The following KAZN variants were observed in gnomAD, a reference collection of about 807,000 sequenced individuals.
KAZN encodes the protein kazrin.
KAZN carries 40 observed loss-of-function variants against 87.4 expected under a neutral mutation model. The observed-to-expected ratio is 0.46, with a 90% CI of 0.36 to 0.60. The LOEUF (loss-of-function observed/expected upper bound fraction) is 0.60, where lower values mean the gene tolerates loss of function less well. KAZN is among the 20% of genes least tolerant of loss of function. The pLI, the probability that KAZN is intolerant of heterozygous loss-of-function variation, is 0.00. For synonymous variants in KAZN, 466 were observed against 458.3 expected (o/e 1.02, Z -0.22); for missense variants, 898 against 1,073.9 (o/e 0.84, Z 2.29).
chr1:14,645,692 A>G (rs993609044), intron 1 of KAZN, among the ~76,000 whole-genome samples: 4 of 152,232 alleles, frequency 2.6e-5, no homozygotes, highest in African/African-American at 9.6e-5. Flanking sequence ...TCGTCTGCCA[A>G]CAGGGGTAGT....
At chr1:14,885,090 C>T (rs184375961) in intron 1 of KAZN, among the ~76,000 whole-genome samples, 125 of 152,312 alleles carry the variant, frequency 8.2e-4, no homozygotes, top group African/African-American at 2.8e-3. Context: ...TTAGAGAAGT[C>T]TTCTCCGAAA....
intron 1 of KAZN, among the ~76,000 whole-genome samples, chr1:14,907,353 G>A (rs1367586855): frequency 6.7e-6 from 1 of 149,900 alleles, no homozygotes; most frequent in Non-Finnish European, 1.5e-5. Context: ...AGTGAGCTGC[G>A]ATTGCACCAC....
intron 1 of KAZN, among the ~76,000 whole-genome samples, chr1:14,826,857 A>G (rs1384579718): frequency 6.6e-6 from 1 of 152,174 alleles, no homozygotes; most frequent in Non-Finnish European, 1.5e-5. Flanking sequence ...TTTCATGGAC[A>G]ACAAGTTGGT....
chr1:14,017,659 G>T (rs2101229854), intron 1 of KAZN, among the ~76,000 whole-genome samples: 1 of 152,312 alleles, frequency 6.6e-6, no homozygotes, highest in South Asian at 2.1e-4. Flanking sequence ...GTTCAGTGCA[G>T]CTCTTGAGTA....
intron 2 of KAZN, among the ~76,000 whole-genome samples, chr1:14,993,584 C>T (rs966035573): frequency 1.3e-5 from 2 of 152,166 alleles, no homozygotes; most frequent in African/African-American, 4.8e-5. Flanking sequence ...GCAGTGTTCT[C>T]GGCCTGCACT....
At chr1:14,293,291 A>G (rs1653855039) in intron 2 of KAZN, among the ~76,000 whole-genome samples, 1 of 152,228 alleles carries the variant, frequency 6.6e-6, no homozygotes, top group Non-Finnish European at 1.5e-5. Context: ...TAGGGCCACC[A>G]TGAATGATGC....
intron 5 of KAZN, among the ~76,000 whole-genome samples, chr1:15,059,371 G>A (rs1638581659): frequency 6.6e-6 from 1 of 152,226 alleles, no homozygotes; most frequent in South Asian, 2.1e-4. Context: ...AGAGACCAAG[G>A]CAGGGGGACA....
chr1:14,921,333 G>A (rs1167178543), intron 1 of KAZN, among the ~76,000 whole-genome samples: 2 of 152,154 alleles, frequency 1.3e-5, no homozygotes, highest in Admixed American at 6.5e-5. Flanking sequence ...GACCAGTGAC[G>A]GTAGCGGTGA....
At chr1:14,030,993 G>A (rs962135946) in intron 1 of KAZN, among the ~76,000 whole-genome samples, 11 of 151,962 alleles carry the variant, frequency 7.2e-5, no homozygotes, top group Non-Finnish European at 1.6e-4. Flanking sequence ...CTTTATACAA[G>A]CCTATAATCT....
intron 2 of KAZN, among the ~76,000 whole-genome samples, chr1:14,528,738 G>A (rs1273621229): frequency 7.9e-6 from 1 of 126,452 alleles, no homozygotes; most frequent in Non-Finnish European, 1.6e-5. Context: ...GACAGAGCGA[G>A]ACCCTGTCTC....
intron 1 of KAZN, among the ~76,000 whole-genome samples, chr1:14,833,637 C>G (rs1358215920): frequency 6.6e-6 from 1 of 152,092 alleles, no homozygotes; most frequent in East Asian, 1.9e-4. Context: ...GAGGCAGCCC[C>G]TTTTTCCATC....
chr1:14,306,748 G>A (rs1226166395), intron 2 of KAZN, among the ~76,000 whole-genome samples: 1 of 152,094 alleles, frequency 6.6e-6, no homozygotes, highest in African/African-American at 2.4e-5. Context: ...GGTGGGATTA[G>A]CTCTGCCCAG....
intron 1 of KAZN, among the ~76,000 whole-genome samples, chr1:13,911,162 C>T (rs1639639931): frequency 6.6e-6 from 1 of 152,186 alleles, no homozygotes; most frequent in Non-Finnish European, 1.5e-5. Flanking sequence ...AATTCTTCTG[C>T]CTCAGCCTCC....
intron 1 of KAZN, among the ~76,000 whole-genome samples, chr1:14,108,083 C>T (rs1644418246): frequency 6.6e-6 from 1 of 152,148 alleles, no homozygotes; most frequent in South Asian, 2.1e-4. Flanking sequence ...TCTAGCCGTA[C>T]TGGACCACGA....
At chr1:14,045,365 G>T (rs556835891) in intron 1 of KAZN, among the ~76,000 whole-genome samples, 101 of 152,352 alleles carry the variant, frequency 6.6e-4, no homozygotes, top group Non-Finnish European at 6.5e-4. Context: ...AGTGTGGTGT[G>T]AGAGTTAAAA....
chr1:14,695,774 G>A (rs1184276319), intron 1 of KAZN, among the ~76,000 whole-genome samples: 1 of 151,832 alleles, frequency 6.6e-6, no homozygotes, highest in African/African-American at 2.4e-5. Context: ...AAAGTGCTGG[G>A]ATTACAGGCA....
chr1:14,681,593 CTATATATATATGTATATGTGTATATA>C (rs1233001548), intron 1 of KAZN, among the ~76,000 whole-genome samples: 80 of 94,238 alleles, frequency 8.5e-4, no homozygotes, highest in African/African-American at 3.4e-3. Flanking sequence ...GCCATTTTAA[CTATATATATATGTATATGTGTATATA>C]TATATATATA....
At chr1:14,921,757 C>G (rs1196778795) in intron 1 of KAZN, among the ~76,000 whole-genome samples, 2 of 152,222 alleles carry the variant, frequency 1.3e-5, no homozygotes, top group African/African-American at 4.8e-5. Flanking sequence ...TGTCGCCTAG[C>G]CTGGAGTGTG....
At chr1:14,402,645 T>A (rs1005825312) in intron 2 of KAZN, among the ~76,000 whole-genome samples, 9 of 152,018 alleles carry the variant, frequency 5.9e-5, no homozygotes, top group African/African-American at 2.2e-4. Context: ...ATTCTGAAAA[T>A]CACACAGAAG....
Sources: allele counts gnomAD v4.1 joint callset (sites outside exome capture counted in the v4.1 genomes callset), GRCh38; gene constraint gnomAD v4.1.1; transcripts MANE v1.5; gene names NCBI Gene and HGNC (gene_info 2026-07-23, HGNC 2026-07-21).